The following SUMF1 variants were observed in gnomAD, a reference collection of about 807,000 sequenced individuals.
SUMF1 encodes formylglycine-generating enzyme.
Under a neutral mutation model 47.6 loss-of-function variants are expected in SUMF1, and 48 were observed. That is an observed-to-expected ratio of 1.01 (90% CI 0.80 to 1.28). The LOEUF (loss-of-function observed/expected upper bound fraction) is 1.28, where lower values mean the gene tolerates loss of function less well. Among genes scored for constraint, SUMF1 ranks in the 50% most tolerant of loss-of-function variants. SUMF1 has a pLI of 0.00. For missense variants in SUMF1, 571 were observed against 485.4 expected, an observed-to-expected ratio of 1.18 and a Z score of -1.66; for synonymous variants, 230 against 192.1, an observed-to-expected ratio of 1.20 and a Z score of -1.63.
chr3:4,172,166 T>C (rs912429589), intron 8 of SUMF1, among the ~76,000 whole-genome samples: 12 of 152,164 alleles, frequency 7.9e-5, no homozygotes, highest in Non-Finnish European at 1.6e-4. Context: ...TTCAAATATT[T>C]AGAAAATTCA....
At chr3:4,266,356 C>G (rs1355508783) in intron 8 of SUMF1, among the ~76,000 whole-genome samples, 1 of 152,120 alleles carries the variant, frequency 6.6e-6, no homozygotes, top group Non-Finnish European at 1.5e-5. Flanking sequence ...TTCTTCCTAC[C>G]CATGAGCATG....
chr3:4,445,054 G>C (rs1559304415), intron 3 of SUMF1, among the ~76,000 whole-genome samples: 2 of 152,134 alleles, frequency 1.3e-5, no homozygotes, highest in Non-Finnish European at 2.9e-5. Context: ...GACCACAAAT[G>C]GGCATGTGGT....
At chr3:4,202,416 A>C (rs1305786867) in intron 8 of SUMF1, among the ~76,000 whole-genome samples, 2 of 151,812 alleles carry the variant, frequency 1.3e-5, no homozygotes, top group African/African-American at 4.8e-5. Flanking sequence ...TTCATTGTAG[A>C]TGTTTATGGT....
intron 8 of SUMF1, among the ~76,000 whole-genome samples, chr3:4,188,583 T>A (rs1188589305): frequency 6.6e-6 from 1 of 152,066 alleles, no homozygotes; most frequent in African/African-American, 2.4e-5. Context: ...GAGGTGGCAA[T>A]AGACATGGCC....
intron 8 of SUMF1, among the ~76,000 whole-genome samples, chr3:4,231,882 A>G (rs370091221): frequency 5.7e-4 from 87 of 152,326 alleles, no homozygotes; most frequent in African/African-American, 1.9e-3. Context: ...CAACTCTCAG[A>G]GTGAACTCAT....
At chr3:4,120,264 C>T (rs151238789) in intron 8 of SUMF1, among the ~76,000 whole-genome samples, 3 of 151,860 alleles carry the variant, frequency 2.0e-5, no homozygotes, top group East Asian at 3.9e-4. Flanking sequence ...CAGTGACAAG[C>T]CCAGCATTTG....
chr3:4,425,778 T>C (rs1702049182), intron 3 of SUMF1, among the ~76,000 whole-genome samples: 1 of 152,170 alleles, frequency 6.6e-6, no homozygotes, highest in Non-Finnish European at 1.5e-5. Flanking sequence ...GGGTAATTTA[T>C]AAAGGAAAGA....
intron 8 of SUMF1, among the ~76,000 whole-genome samples, chr3:4,259,256 A>G (rs1219349993): frequency 6.6e-6 from 1 of 152,138 alleles, no homozygotes; most frequent in East Asian, 1.9e-4. Context: ...TAAAACTTAA[A>G]GTATAATAAA....
At chr3:4,321,948 C>T (rs1207030557) in intron 8 of SUMF1, among the ~76,000 whole-genome samples, 2 of 152,052 alleles carry the variant, frequency 1.3e-5, no homozygotes, top group South Asian at 2.1e-4. Context: ...GTAGTATATG[C>T]CATTGACAGG....
chr3:4,424,118 T>C (rs1701992960), intron 3 of SUMF1, among the ~76,000 whole-genome samples: 1 of 152,212 alleles, frequency 6.6e-6, no homozygotes, highest in Admixed American at 6.5e-5. Context: ...ATAGAAAATG[T>C]GCAATTAGTC....
intron 7 of SUMF1, among the ~76,000 whole-genome samples, chr3:4,378,751 C>G (rs919674013): frequency 6.6e-6 from 1 of 152,212 alleles, no homozygotes; most frequent in Non-Finnish European, 1.5e-5. Context: ...CTGTTTCTCG[C>G]TTAACAATTC....
intron 8 of SUMF1, among the ~76,000 whole-genome samples, chr3:4,270,512 G>T (rs958076612): frequency 6.6e-6 from 1 of 151,908 alleles, no homozygotes; most frequent in Non-Finnish European, 1.5e-5. Flanking sequence ...AATAAGCAAT[G>T]AATTTATAAT....
At chr3:4,085,451 T>C (rs1018261696) in intron 8 of SUMF1, among the ~76,000 whole-genome samples, 1 of 151,982 alleles carries the variant, frequency 6.6e-6, no homozygotes, top group Admixed American at 6.6e-5. Context: ...CCCCATAGAG[T>C]GCTCAAATTC....
In SUMF1 at chr3:4,429,210, A is replaced by G. The variant is rs576882417; in HGVS notation, c.520-9064T>C. Reference sequence around the variant, plus strand: ...TAGCCCTTGCTAAAAATCATTTACAAAAATCCTCAATATTATTAGATGGTA... The same window carrying G: ...TAGCCCTTGCTAAAAATCATTTACAGAAATCCTCAATATTATTAGATGGTA... On this transcript the variant is annotated intron_variant, in intron 3 of 8. Transcript: ENST00000272902. 7.2e-5 allele frequency among the ~76,000 whole-genome samples: 11 copies of G among 152,364 alleles called. No homozygotes were observed. The South Asian group carries it at 2.1e-3, about 29-fold the overall frequency.
intron 1 of SUMF1, among the ~76,000 whole-genome samples, chr3:4,458,805 G>A (rs1013212012): frequency 1.3e-5 from 2 of 152,132 alleles, no homozygotes; most frequent in Admixed American, 6.5e-5. Context: ...GCAGCGAGCC[G>A]AGATGGAGCC....
At chr3:4,085,037 T>C (rs1222244213) in intron 8 of SUMF1, among the ~76,000 whole-genome samples, 3 of 152,106 alleles carry the variant, frequency 2.0e-5, no homozygotes, top group African/African-American at 7.2e-5. Context: ...ACTCTATGCA[T>C]ATTAAAATAG....
At chr3:4,283,180 C>T (rs1161051462) in intron 8 of SUMF1, among the ~76,000 whole-genome samples, 1 of 152,166 alleles carries the variant, frequency 6.6e-6, no homozygotes, top group Non-Finnish European at 1.5e-5. Context: ...CCTTTTCGTT[C>T]CAATCTCTTG....
chr3:4,148,096 A>G (rs1283030465), intron 8 of SUMF1, among the ~76,000 whole-genome samples: 2 of 152,186 alleles, frequency 1.3e-5, no homozygotes, highest in Non-Finnish European at 2.9e-5. Context: ...ATTTCCGTAC[A>G]TAGGTATAGC....
intron 1 of SUMF1, among the ~76,000 whole-genome samples, chr3:4,457,470 G>A (rs1364476337): frequency 6.6e-6 from 1 of 152,020 alleles, no homozygotes; most frequent in Non-Finnish European, 1.5e-5. Flanking sequence ...AACAAAGGTG[G>A]AGTACCACAC....
Sources: gnomAD v4.1 joint callset for allele counts (sites outside exome capture counted in the v4.1 genomes callset) on GRCh38, gnomAD v4.1.1 for gene constraint, MANE v1.5 for transcripts, NCBI Gene and HGNC (gene_info 2026-07-23, HGNC 2026-07-21) for gene names.